The following DPYD variants were observed in gnomAD, a reference collection of about 807,000 sequenced individuals.
The protein encoded by DPYD is dihydropyrimidine dehydrogenase [NADP(+)].
DPYD carries 109 observed loss-of-function variants against 116.2 expected under a neutral mutation model. The observed-to-expected ratio is 0.94, with a 90% CI of 0.80 to 1.10. The LOEUF (loss-of-function observed/expected upper bound fraction) is 1.10. DPYD is among the 50% of genes least tolerant of loss of function. DPYD has a pLI of 0.00. For synonymous variants in DPYD, 440 were observed against 432.0 expected, an observed-to-expected ratio of 1.02 and a Z score of -0.23; for missense variants, 1,302 against 1,254.5, an observed-to-expected ratio of 1.04 and a Z score of -0.57.
intron 18 of DPYD, among the ~76,000 whole-genome samples, chr1:97,291,881 T>G (rs1277609214): frequency 1.3e-5 from 2 of 152,032 alleles, no homozygotes; most frequent in Non-Finnish European, 2.9e-5. Context: ...TAAATTCCTA[T>G]ATTTGAATTA....
chr1:97,562,669 G>A (rs1460324382), intron 11 of DPYD, among the ~76,000 whole-genome samples: 1 of 152,052 alleles, frequency 6.6e-6, no homozygotes, highest in East Asian at 1.9e-4. Flanking sequence ...AGTAGATATT[G>A]AATAAGATTT....
intron 8 of DPYD, among the ~76,000 whole-genome samples, chr1:97,661,962 T>C (rs1001633223): frequency 2.0e-5 from 3 of 150,164 alleles, no homozygotes; most frequent in Non-Finnish European, 3.0e-5. Context: ...TTTTCACACA[T>C]AGGAAATATT....
At chr1:97,333,802 G>A (rs1000200310) in intron 16 of DPYD, among the ~76,000 whole-genome samples, 3 of 152,120 alleles carry the variant, frequency 2.0e-5, no homozygotes, top group Non-Finnish European at 4.4e-5. Context: ...TTACAGGCAT[G>A]AGCCACCGCA....
chr1:97,306,132 C>T lies in DPYD; in HGVS notation c.2179+45G>A, dbSNP rs766425254. 12 of 1,610,844 alleles carry T rather than the reference C, an allele frequency of 7.4e-6. No individual in the cohort carries two copies. In the South Asian group the frequency reaches 9.9e-5, roughly 13 times the overall value. Reference sequence around the variant, plus strand: ...CTTGAGTATGGCTACATAATGTGGGCCAATATTTACAATAGCGGGCAACTG... The same window carrying T: ...CTTGAGTATGGCTACATAATGTGGGTCAATATTTACAATAGCGGGCAACTG... On this transcript the variant is annotated intron_variant, in intron 17 of 22. Transcript: ENST00000370192.
At chr1:97,165,879 T>C (rs1316564985) in intron 20 of DPYD, among the ~76,000 whole-genome samples, 7 of 151,490 alleles carry the variant, frequency 4.6e-5, no homozygotes, top group Non-Finnish European at 5.9e-5. Context: ...AGAAACCATC[T>C]CACATCAGTC....
At chr1:97,904,690 G>A (rs1242462363) in intron 1 of DPYD, among the ~76,000 whole-genome samples, 4 of 152,092 alleles carry the variant, frequency 2.6e-5, no homozygotes, top group South Asian at 2.1e-4. Flanking sequence ...GTTCTTTGTT[G>A]AAGGAGCTAT....
At chr1:97,233,281 G>C (rs1368045347) in intron 19 of DPYD, among the ~76,000 whole-genome samples, 1 of 152,136 alleles carries the variant, frequency 6.6e-6, no homozygotes, top group African/African-American at 2.4e-5. Context: ...ATAAGAAGGA[G>C]GAAAGGAGAG....
intron 19 of DPYD, among the ~76,000 whole-genome samples, chr1:97,216,038 T>C (rs1056593353): frequency 1.3e-5 from 2 of 152,220 alleles, no homozygotes; most frequent in East Asian, 1.9e-4. Context: ...AAGTGATTTT[T>C]ACTTTCCTGC....
intron 2 of DPYD, chr1:97,855,466 T>C (rs1670785076): frequency 6.6e-6 from 1 of 152,114 alleles, no homozygotes; most frequent in Non-Finnish European, 1.5e-5. Context: ...TTAAATCAAC[T>C]TTGGTAGAAG....
chr1:97,843,368 G>A (rs1203308833), intron 2 of DPYD, among the ~76,000 whole-genome samples: 2 of 152,096 alleles, frequency 1.3e-5, no homozygotes, highest in Non-Finnish European at 2.9e-5. Context: ...AGTAGAAGAG[G>A]CTATTTTACC....
At chr1:97,526,202 T>C (rs1649076082) in intron 12 of DPYD, among the ~76,000 whole-genome samples, 1 of 152,178 alleles carries the variant, frequency 6.6e-6, no homozygotes, top group Admixed American at 6.5e-5. Flanking sequence ...GAAGATCTCA[T>C]GAAACTCATG....
chr1:97,683,277 G>A (rs1660523263), intron 7 of DPYD, among the ~76,000 whole-genome samples: 1 of 151,756 alleles, frequency 6.6e-6, no homozygotes, highest in African/African-American at 2.4e-5. Context: ...ATGTTTCCTT[G>A]TGGGAGAGAA....
intron 2 of DPYD, among the ~76,000 whole-genome samples, chr1:97,857,067 A>G (rs564556756): frequency 2.0e-5 from 3 of 152,290 alleles, no homozygotes; most frequent in African/African-American, 7.2e-5. Context: ...CCTATTTCCC[A>G]GAAACTTGCC....
chr1:97,698,978 C>A (rs972788844), intron 6 of DPYD, among the ~76,000 whole-genome samples: 1 of 151,856 alleles, frequency 6.6e-6, no homozygotes, highest in African/African-American at 2.4e-5. Context: ...AATGAATAGT[C>A]CAATATTCCA....
chr1:97,399,538 C>A (rs1372116867), intron 14 of DPYD, among the ~76,000 whole-genome samples: 13 of 152,118 alleles, frequency 8.5e-5, no homozygotes, highest in Non-Finnish European at 1.9e-4. Context: ...TTACCTTGGG[C>A]AGTATGGCCA....
chr1:97,401,644 A>G (rs926768804), intron 14 of DPYD, among the ~76,000 whole-genome samples: 1 of 152,062 alleles, frequency 6.6e-6, no homozygotes, highest in Non-Finnish European at 1.5e-5. Flanking sequence ...AACCCAGCGT[A>G]TCAATAATTT....
intron 10 of DPYD, 21 bp from the exon 11 acceptor site, chr1:97,573,991 G>A (rs1300727464): frequency 6.2e-7 from 1 of 1,611,936 alleles, no homozygotes; most frequent in South Asian, 1.1e-5. Flanking sequence ...ACAGAACAGA[G>A]AAGAAACTTG....
rs1469161824 is a variant in DPYD, at chr1:97,593,507, T to A, written c.959-120A>T. On this transcript the variant is annotated intron_variant, in intron 9 of 22. Coordinates refer to ENST00000370192, the MANE Select transcript of DPYD (RefSeq NM_000110.4). Reference sequence around the variant, plus strand: ...CATCTTGCAGTTTTCCAGGATGAAGTGTCACTATCAAATTATTCTGCTTCA... The same window carrying A: ...CATCTTGCAGTTTTCCAGGATGAAGAGTCACTATCAAATTATTCTGCTTCA... 4.2e-5 allele frequency: 47 copies of A among 1,126,792 alleles called. No individual in the cohort carries two copies. In the East Asian group the frequency reaches 9.6e-4, roughly 23 times the overall value. The allele number at this position is 1,126,792 out of a possible 1,614,324, so 69.8% of individuals were successfully genotyped here.
intron 18 of DPYD, among the ~76,000 whole-genome samples, chr1:97,264,993 C>G (rs936230431): frequency 1.5e-5 from 2 of 135,016 alleles, no homozygotes; most frequent in African/African-American, 5.2e-5. Flanking sequence ...TTTGCCTTGT[C>G]CCTTCAATTT....
Sources: gnomAD v4.1 joint callset for allele counts (sites outside exome capture counted in the v4.1 genomes callset) on GRCh38, gnomAD v4.1.1 for gene constraint, MANE v1.5 for transcripts, NCBI Gene and HGNC (gene_info 2026-07-23, HGNC 2026-07-21) for gene names.